Variants in NFAT5 observed in about 807,000 individuals in gnomAD.
NFAT5 encodes nuclear factor of activated T cells 5, also known as nuclear factor of activated T-cells 5.
In NFAT5, 31 loss-of-function variants were observed where a neutral mutation model predicts 166.5. The ratio of observed to expected loss-of-function variants is 0.19; its 90% CI spans 0.14 to 0.25. NFAT5 has a LOEUF of 0.25. Ranked by LOEUF, NFAT5 falls within the 10% of genes least tolerant of loss-of-function variation. The probability of loss-of-function intolerance (pLI) is 1.00; values close to 1 mark genes in which losing one functional copy is unlikely to be tolerated. For synonymous variants in NFAT5, 612 were observed against 639.7 expected (o/e 0.96, Z 0.65); for missense variants, 1,449 against 1,821.8 (o/e 0.80, Z 3.72).
intron 3 of NFAT5, among the ~76,000 whole-genome samples, chr16:69,634,524 A>T (rs532869366): frequency 1.3e-5 from 2 of 152,208 alleles, no homozygotes; most frequent in South Asian, 4.1e-4. Flanking sequence ...CCATCATTGC[A>T]TATATGTATC....
At chr16:69,590,785 C>T (rs778330046) in intron 2 of NFAT5, among the ~76,000 whole-genome samples, 13 of 152,264 alleles carry the variant, frequency 8.5e-5, no homozygotes, top group Non-Finnish European at 1.3e-4. Context: ...TGGGATTCCC[C>T]GCCCCATCTG....
intron 3 of NFAT5, among the ~76,000 whole-genome samples, chr16:69,630,199 T>G (rs544116027): frequency 1.3e-5 from 2 of 152,088 alleles, no homozygotes; most frequent in South Asian, 2.1e-4. Flanking sequence ...ATTTTTGTGT[T>G]TTTTGTAGAG....
intron 9 of NFAT5, among the ~76,000 whole-genome samples, chr16:69,672,094 C>G (rs1398890564): frequency 1.3e-5 from 2 of 152,224 alleles, no homozygotes; most frequent in African/African-American, 2.4e-5. Flanking sequence ...GACCAGAACT[C>G]TCTCTGGGTA....
At position 69,684,921 on chromosome 16, in the gene NFAT5, G is replaced by A. The variant is rs762376891; in HGVS notation, c.1725G>A (p.Lys575=). ...GTGCTTTGAATGTAAATGTGAAGAAGGAAATATCTAGTCCAGCAAGACCTT... is the reference window on the plus strand; with the variant it reads ...GTGCTTTGAATGTAAATGTGAAGAAAGAAATATCTAGTCCAGCAAGACCTT... ...AAGALNVNVK[K]EISSPARPCS... Residue 575 remains lysine (K), a synonymous_variant, in exon 11 of 15, where the codon AAG becomes AAA. Transcript: ENST00000349945. 18 of 1,608,798 alleles carry A rather than the reference G, an allele frequency of 1.1e-5. No individual in the cohort carries two copies. Among genetic ancestry groups the A allele is most frequent in the African/African-American group, 8.0e-5 (6 of 74,624 alleles).
At chr16:69,655,525 G>A (rs939145362) in intron 5 of NFAT5, 84 bp from the exon 6 acceptor site, 7 of 1,068,158 alleles carry the variant, frequency 6.6e-6, no homozygotes, top group Non-Finnish European at 7.7e-6. Context: ...TACAAGTATA[G>A]GATTTGGTCT....
At chr16:69,627,426 A>G (rs965500082) in intron 3 of NFAT5, among the ~76,000 whole-genome samples, 3 of 149,284 alleles carry the variant, frequency 2.0e-5, no homozygotes, top group Admixed American at 1.3e-4. Context: ...CTTGCCTAAT[A>G]TGACACCTCT....
chr16:69,676,416 T>C (rs2036835582), intron 9 of NFAT5, among the ~76,000 whole-genome samples: 1 of 152,166 alleles, frequency 6.6e-6, no homozygotes, highest in African/African-American at 2.4e-5. Context: ...AAATGAGAAT[T>C]ATGTTGTTAG....
chr16:69,566,074 C>T lies in NFAT5; in HGVS notation c.-228C>T, dbSNP rs2016011781. ...CCCTTCCCCTTCCCCGTCCTGAACC[C>T]CTCTCCTGGTCACCGAGAATCAGTC... On this transcript the variant is annotated 5_prime_UTR_variant, in exon 1 of 15. Coordinates refer to ENST00000349945, the MANE Select transcript of NFAT5 (RefSeq NM_138713.4). This position sits in a 1 kb window ranked among gnomAD's most constrained non-coding sequence, Gnocchi z 5.7. 5.4e-6 allele frequency: 3 copies of T among 552,552 alleles called. No homozygotes were observed. The highest frequency in any genetic ancestry group is 9.5e-6 in the Non-Finnish European group (3 of 316,238). The allele number at this position is 552,552 out of a possible 1,614,324, so 34.2% of individuals were successfully genotyped here.
At chr16:69,570,031 C>T (rs1238749269) in intron 2 of NFAT5, among the ~76,000 whole-genome samples, 2 of 151,988 alleles carry the variant, frequency 1.3e-5, no homozygotes, top group Non-Finnish European at 2.9e-5. Flanking sequence ...TAGAGATGAT[C>T]AGGGAGGAGA....
At chr16:69,569,512 C>G (rs906020080) in intron 2 of NFAT5, among the ~76,000 whole-genome samples, 4 of 151,754 alleles carry the variant, frequency 2.6e-5, no homozygotes, top group African/African-American at 4.8e-5. Flanking sequence ...GGAGGTAGTC[C>G]GGGATAGTGG....
intron 2 of NFAT5, among the ~76,000 whole-genome samples, chr16:69,572,025 G>A (rs1253491076): frequency 2.0e-5 from 3 of 152,080 alleles, no homozygotes; most frequent in Non-Finnish European, 2.9e-5. Context: ...GCCTCCCAAA[G>A]TGCTGGGATT....
chr16:69,588,713 ATTTAT>A (rs1279631866), intron 2 of NFAT5, among the ~76,000 whole-genome samples: 1 of 152,236 alleles, frequency 6.6e-6, no homozygotes, highest in Non-Finnish European at 1.5e-5. Flanking sequence ...TTTAGCAATC[ATTTAT>A]TTTATGAGTA....
At chr16:69,669,279 G>A (rs2036529666) in intron 7 of NFAT5, among the ~76,000 whole-genome samples, 1 of 152,162 alleles carries the variant, frequency 6.6e-6, no homozygotes, top group African/African-American at 2.4e-5. Flanking sequence ...TTTTGGCTGG[G>A]CATGGTGGCT....
chr16:69,651,377 G>A (rs1360805621), intron 4 of NFAT5, among the ~76,000 whole-genome samples: 1 of 152,126 alleles, frequency 6.6e-6, no homozygotes, highest in African/African-American at 2.4e-5. Context: ...TCCTAGCCAA[G>A]GATTCAACCT....
chr16:69,569,546 A>G (rs2142892937), intron 2 of NFAT5, among the ~76,000 whole-genome samples: 1 of 152,260 alleles, frequency 6.6e-6, no homozygotes. Context: ...TTTGTAGTTG[A>G]GCTTAAATTT....
At chr16:69,691,709 GTTTATATATTCATAATA>G (rs780348201) in intron 12 of NFAT5, 23 bp from the exon 13 acceptor site, 1 of 1,501,092 alleles carries the variant, frequency 6.7e-7, no homozygotes, top group Admixed American at 2.0e-5. Context: ...CTTGTTTAAT[GTTTATATATTCATAATA>G]TTTGGGGATT....
At chr16:69,641,142 G>A (rs2035189912) in intron 3 of NFAT5, among the ~76,000 whole-genome samples, 3 of 151,640 alleles carry the variant, frequency 2.0e-5, no homozygotes, top group Admixed American at 6.6e-5. Context: ...GCCAGGTGTG[G>A]TGGCGGGCAC....
rs375160575 is a variant in NFAT5 at position 69,655,661 on chromosome 16, C to G, written c.1058C>G (p.Ser353Cys). Residue 353 changes from serine (S) to cysteine (C), a missense_variant, in exon 6 of 15, where the codon TCT (serine) becomes TGT (cysteine). Ser to Cys is a moderately radical substitution (Grantham distance 112). Transcript: ENST00000349945. ...TTGCAAGTGTTTGTGGGCAACGACT[C>G]TGGACGAGTGAAACCACATGGATTT... ...VVLQVFVGND[S>C]GRVKPHGFYQ... 5 of 1,613,260 alleles carry G rather than the reference C, an allele frequency of 3.1e-6. No homozygotes were observed. In the African/African-American group the frequency reaches 5.3e-5, roughly 17 times the overall value.
At position 69,677,747 on chromosome 16, in the gene NFAT5, C is replaced by T. The variant is rs149686669; in HGVS notation, c.1690+412C>T. On this transcript the variant is annotated intron_variant, in intron 10 of 14. Coordinates refer to ENST00000349945, the MANE Select transcript of NFAT5 (RefSeq NM_138713.4). ...AGAGAGAAGAGATAAACTAGAGTGACAGGTGATAAAATAAAAAATCCCAAA... is the reference window on the plus strand; with the variant it reads ...AGAGAGAAGAGATAAACTAGAGTGATAGGTGATAAAATAAAAAATCCCAAA... Among the ~76,000 whole-genome samples the T allele has an allele frequency of 3.3e-5, 5 of 152,274 alleles. No individual in the cohort carries two copies. The East Asian group carries it at 7.7e-4, about 23-fold the overall frequency.
Sources: allele counts gnomAD v4.1 joint callset (sites outside exome capture counted in the v4.1 genomes callset), GRCh38; gene constraint gnomAD v4.1.1; non-coding constraint Gnocchi (gnomAD v3.1); transcripts MANE v1.5; gene names NCBI Gene and HGNC (gene_info 2026-07-23, HGNC 2026-07-21).